DNAJC1: variants seen among roughly 807,000 people sequenced by gnomAD.
DNAJC1 encodes DnaJ heat shock protein family (Hsp40) member C1.
A neutral mutation model predicts 76.6 loss-of-function variants in DNAJC1; 58 were observed. That is an observed-to-expected ratio of 0.76 (90% CI 0.61 to 0.94). DNAJC1 has a LOEUF of 0.94. Among genes scored for constraint, DNAJC1 ranks in the 40% least tolerant of loss-of-function variants. The pLI is 0.00. For synonymous variants in DNAJC1, 258 were observed against 267.9 expected (o/e 0.96, Z 0.36); for missense variants, 689 against 677.3 (o/e 1.02, Z -0.19).
At chr10:21,963,286 T>G (rs946476252) in intron 1 of DNAJC1, among the ~76,000 whole-genome samples, 1 of 152,212 alleles carries the variant, frequency 6.6e-6, no homozygotes, top group African/African-American at 2.4e-5. Flanking sequence ...TTACCAAGGT[T>G]TTCACCAAAA....
rs1437328005 is a variant in DNAJC1, at chr10:21,882,361, T to A, written c.899A>T (p.Asp300Val). The A allele has an allele frequency of 6.2e-7, 1 of 1,600,148 alleles. No individual in the cohort carries two copies. The highest frequency in any genetic ancestry group is 1.4e-5 in the African/African-American group (1 of 74,018). Residue 300 changes from aspartate to valine, a missense_variant, in exon 8 of 12, where the codon GAT becomes GTT. Asp to Val is a radical substitution (Grantham distance 152, BLOSUM62 -3). Transcript: ENST00000376980. Reference sequence around the variant, plus strand: ...AATTTCTTCTATGGAAGTTCCATGATCATAAGACTGAATATATGTAGTTTC... The same window carrying A: ...AATTTCTTCTATGGAAGTTCCATGAACATAAGACTGAATATATGTAGTTTC... ...PLETTYIQSY[D>V]HGTSIEEIEE...
At chr10:21,792,418 T>C (rs999661156) in intron 9 of DNAJC1, among the ~76,000 whole-genome samples, 5 of 152,196 alleles carry the variant, frequency 3.3e-5, no homozygotes, top group Non-Finnish European at 7.3e-5. Context: ...AAGGAAACTA[T>C]AGACCATTCG....
intron 7 of DNAJC1, among the ~76,000 whole-genome samples, chr10:21,900,485 C>T (rs995145410): frequency 6.6e-6 from 1 of 152,072 alleles, no homozygotes; most frequent in African/African-American, 2.4e-5. Flanking sequence ...TTTGTACATA[C>T]ACAGCATTAT....
At chr10:21,949,104 A>G (rs1837551825) in intron 1 of DNAJC1, among the ~76,000 whole-genome samples, 1 of 152,202 alleles carries the variant, frequency 6.6e-6, no homozygotes, top group Non-Finnish European at 1.5e-5. Flanking sequence ...CTAATGCAAA[A>G]CAAACAAACA....
chr10:21,972,369 T>C (rs1321339755), intron 1 of DNAJC1, among the ~76,000 whole-genome samples: 1 of 151,960 alleles, frequency 6.6e-6, no homozygotes, highest in Non-Finnish European at 1.5e-5. Flanking sequence ...AAAATATTAA[T>C]GAGGAATTCA....
chr10:21,846,030 T>G (rs982031717), intron 8 of DNAJC1, among the ~76,000 whole-genome samples: 3 of 152,168 alleles, frequency 2.0e-5, no homozygotes, highest in African/African-American at 7.2e-5. Flanking sequence ...TTATGAAAGA[T>G]CTATAATGCA....
intron 8 of DNAJC1, among the ~76,000 whole-genome samples, chr10:21,835,126 A>G (rs1281194555): frequency 1.3e-5 from 2 of 152,108 alleles, no homozygotes; most frequent in Non-Finnish European, 2.9e-5. Context: ...CTCTGAGACA[A>G]AACTTCCAGA....
intron 1 of DNAJC1, among the ~76,000 whole-genome samples, chr10:21,951,464 G>A (rs1837593664): frequency 6.6e-6 from 1 of 151,848 alleles, no homozygotes; most frequent in South Asian, 2.1e-4. Context: ...CCAAATTAAA[G>A]ACAGTTTAAA....
At chr10:21,997,858 G>C (rs145142366) in intron 1 of DNAJC1, among the ~76,000 whole-genome samples, 1 of 152,148 alleles carries the variant, frequency 6.6e-6, no homozygotes. Context: ...TATAAAACAC[G>C]AGAGAAAGAG....
chr10:21,912,723 G>C (rs1258817002), intron 6 of DNAJC1, among the ~76,000 whole-genome samples: 5 of 152,130 alleles, frequency 3.3e-5, no homozygotes, highest in Non-Finnish European at 7.3e-5. Flanking sequence ...AGGCGACTCA[G>C]CTTGAAACAA....
chr10:21,823,137 C>T (rs1018603002), intron 8 of DNAJC1, among the ~76,000 whole-genome samples: 2 of 152,086 alleles, frequency 1.3e-5, no homozygotes, highest in Non-Finnish European at 2.9e-5. Flanking sequence ...TCTGCCACTT[C>T]AAAGAGACTT....
intron 8 of DNAJC1, 76 bp downstream of exon 8, chr10:21,882,206 T>C: frequency 8.9e-6 from 12 of 1,342,042 alleles, no homozygotes; most frequent in Non-Finnish European, 1.1e-5. Flanking sequence ...AAGCACTATA[T>C]CGTGAGCTAA....
intron 1 of DNAJC1, among the ~76,000 whole-genome samples, chr10:21,959,329 T>A (rs1660164491): frequency 6.6e-6 from 1 of 151,628 alleles, no homozygotes; most frequent in African/African-American, 2.4e-5. Flanking sequence ...GGTTTCACCA[T>A]GTTGGCCAGG....
chr10:21,977,042 T>C (rs1354222646), intron 1 of DNAJC1, among the ~76,000 whole-genome samples: 2 of 152,100 alleles, frequency 1.3e-5, no homozygotes, highest in African/African-American at 4.8e-5. Context: ...AGTCTCCAAT[T>C]TGCTCTCATC....
intron 8 of DNAJC1, among the ~76,000 whole-genome samples, chr10:21,833,860 G>C (rs990154400): frequency 6.6e-6 from 1 of 152,084 alleles, no homozygotes; most frequent in Non-Finnish European, 1.5e-5. Context: ...ATAATGTAAA[G>C]CATTATACAA....
chr10:21,967,903 A>C (rs1837918081), intron 1 of DNAJC1, among the ~76,000 whole-genome samples: 1 of 152,238 alleles, frequency 6.6e-6, no homozygotes, highest in Non-Finnish European at 1.5e-5. Flanking sequence ...CTCAGAGGCC[A>C]TACCAACGTT....
intron 7 of DNAJC1, among the ~76,000 whole-genome samples, chr10:21,898,634 C>A (rs1046568721): frequency 1.1e-4 from 16 of 151,098 alleles, no homozygotes; most frequent in Non-Finnish European, 2.4e-4. Context: ...CTCACTGCAA[C>A]CTCCACCTCC....
intron 3 of DNAJC1, among the ~76,000 whole-genome samples, chr10:21,924,145 A>AAT (rs1287004531): frequency 6.6e-6 from 1 of 152,022 alleles, no homozygotes; most frequent in Non-Finnish European, 1.5e-5. Flanking sequence ...CTTTGAAAAA[A>AAT]ATATATATAT....
intron 1 of DNAJC1, among the ~76,000 whole-genome samples, chr10:21,954,257 T>C (rs1183177738): frequency 6.6e-6 from 1 of 152,140 alleles, no homozygotes; most frequent in African/African-American, 2.4e-5. Context: ...TTCTCTTGCC[T>C]CTAAAAATAA....
Sources: allele counts gnomAD v4.1 joint callset (sites outside exome capture counted in the v4.1 genomes callset), GRCh38; gene constraint gnomAD v4.1.1; transcripts MANE v1.5; gene names NCBI Gene and HGNC (gene_info 2026-07-23, HGNC 2026-07-21).